MTFR1: variants seen among roughly 807,000 people sequenced by gnomAD.
MTFR1 encodes chondrocyte protein with a poly-proline region.
Under a neutral mutation model 38.8 loss-of-function variants are expected in MTFR1, and 28 were observed. The observed-to-expected ratio is 0.72, with a 90% CI of 0.53 to 0.99. MTFR1 has a LOEUF of 0.99. Ranked by LOEUF, MTFR1 falls within the 50% of genes least tolerant of loss-of-function variation. The probability of loss-of-function intolerance (pLI) is 0.00; values close to 1 mark genes in which losing one functional copy is unlikely to be tolerated. For missense variants in MTFR1, 358 were observed against 395.5 expected, an observed-to-expected ratio of 0.91 and a Z score of 0.81; for synonymous variants, 145 against 137.0, an observed-to-expected ratio of 1.06 and a Z score of -0.41.
At chr8:65,680,927 A>T (rs540482580) in intron 2 of MTFR1, among the ~76,000 whole-genome samples, 12 of 102,204 alleles carry the variant, frequency 1.2e-4, no homozygotes, top group African/African-American at 4.0e-4. Flanking sequence ...TTTTTTTGAG[A>T]CGGAGTCTCG....
chr8:65,687,284 G>T (rs1805115530), intron 3 of MTFR1, among the ~76,000 whole-genome samples: 1 of 151,838 alleles, frequency 6.6e-6, no homozygotes, highest in Admixed American at 6.6e-5. Context: ...ATCCAATTCA[G>T]TTGAACCACT....
intron 1 of MTFR1, among the ~76,000 whole-genome samples, chr8:65,653,181 G>T (rs1185082710): frequency 6.6e-6 from 1 of 152,088 alleles, no homozygotes; most frequent in Non-Finnish European, 1.5e-5. Flanking sequence ...TTATTGCTTG[G>T]CATGAGGCTA....
intron 1 of MTFR1, among the ~76,000 whole-genome samples, chr8:65,648,612 A>T (rs1333861244): frequency 2.6e-5 from 4 of 152,218 alleles, no homozygotes; most frequent in African/African-American, 9.6e-5. Context: ...ATATCATTAA[A>T]AAATTTTTTT....
chr8:65,724,438 C>T, intron 3 of MTFR1: 2 of 772,914 alleles, frequency 2.6e-6, no homozygotes, highest in Non-Finnish European at 4.2e-6. Flanking sequence ...CTGGATTAAC[C>T]ATAAATATAA....
At chr8:65,768,542 T>C (rs1234950953) in intron 3 of MTFR1, among the ~76,000 whole-genome samples, 2 of 152,232 alleles carry the variant, frequency 1.3e-5, no homozygotes, top group African/African-American at 4.8e-5. Flanking sequence ...CAGGTGGAGC[T>C]ATAAGTCTAA....
At position 65,741,450 on chromosome 8, in the gene MTFR1, A is replaced by G. The variant is rs117842537; in HGVS notation, c.*48+21969A>G. On this transcript the variant is annotated intron_variant, in intron 3 of 3. Transcript: ENST00000521247. ...CTGCCTAACCAACTGCCAACAAAAG[A>G]CCACAGCTGATGAAAAAGTACATTA... Among the ~76,000 whole-genome samples the G allele has an allele frequency of 9.3e-3, 1,424 of 152,336 alleles. 13 individuals are homozygous for G. Among genetic ancestry groups the G allele is most frequent in the Non-Finnish European group, 0.016 (1,080 of 68,034 alleles).
upstream of MTFR1, among the ~76,000 whole-genome samples, chr8:65,643,972 G>A (rs118185709): frequency 4.4e-3 from 666 of 152,186 alleles, 1 homozygote; most frequent in Non-Finnish European, 7.1e-3. Context: ...AATTGCAATG[G>A]GAGGGTAAGA....
downstream of MTFR1, among the ~76,000 whole-genome samples, chr8:65,774,012 C>T (rs534968495): frequency 6.6e-6 from 1 of 152,128 alleles, no homozygotes; most frequent in Non-Finnish European, 1.5e-5. Flanking sequence ...TATTGCAATA[C>T]CAAAACATAC....
intron 4 of MTFR1, among the ~76,000 whole-genome samples, chr8:65,694,518 T>C (rs1372842895): frequency 6.6e-6 from 1 of 152,236 alleles, no homozygotes; most frequent in Non-Finnish European, 1.5e-5. Flanking sequence ...TTCTTTGTCC[T>C]TCAGCAGTTT....
At chr8:65,671,090 G>C (rs61079148) in intron 2 of MTFR1, among the ~76,000 whole-genome samples, 1 of 152,102 alleles carries the variant, frequency 6.6e-6, no homozygotes, top group East Asian at 1.9e-4. Flanking sequence ...TGTTTTCTTC[G>C]GAGATTAAAA....
chr8:65,755,061 C>A (rs542941536), intron 3 of MTFR1, among the ~76,000 whole-genome samples: 48 of 146,754 alleles, frequency 3.3e-4, no homozygotes, highest in Middle Eastern at 7.1e-3. Context: ...CACTCTGTTG[C>A]CCAGGCTGGA....
At chr8:65,718,041 CA>C (rs1402658003) in intron 2 of MTFR1, 1 of 152,174 alleles carries the variant, frequency 6.6e-6, no homozygotes, top group Non-Finnish European at 1.5e-5. Flanking sequence ...AACGTTTCAT[CA>C]AAGGGAGGGA....
intron 1 of MTFR1, among the ~76,000 whole-genome samples, chr8:65,657,518 T>C (rs975890542): frequency 1.3e-5 from 2 of 151,672 alleles, no homozygotes; most frequent in East Asian, 3.9e-4. Context: ...GCCTGGGCAA[T>C]GTAGTGAGAC....
Position 65,707,137 on chromosome 8 carries a change from A to G in MTFR1, c.645A>G (p.Arg215=), listed in dbSNP as rs779956470. Residue 215 remains arginine, a synonymous_variant, in exon 6 of 8, where the codon AGA becomes AGG. Coordinates refer to ENST00000262146, the MANE Select transcript of MTFR1 (RefSeq NM_014637.4). ...TSAVDLIKER[R]EKRANAGKTL... ...CTGTTGATCTGATTAAAGAACGAAG[A>G]GAGAAAAGAGCCAATGCTGGAAAGA... 16 of 1,613,824 alleles carry G rather than the reference A, an allele frequency of 9.9e-6. No homozygotes were observed. Among genetic ancestry groups the G allele is most frequent in the Non-Finnish European group, 1.3e-5 (15 of 1,179,902 alleles).
chr8:65,765,898 T>C (rs989179071), intron 3 of MTFR1, among the ~76,000 whole-genome samples: 1 of 152,234 alleles, frequency 6.6e-6, no homozygotes, highest in Non-Finnish European at 1.5e-5. Flanking sequence ...AACTAAAGAA[T>C]GATTTATTAA....
At chr8:65,668,503 CT>C (rs907385912) in intron 1 of MTFR1, among the ~76,000 whole-genome samples, 1 of 141,654 alleles carries the variant, frequency 7.1e-6, no homozygotes, top group Non-Finnish European at 1.6e-5. Context: ...GGAAGATTTT[CT>C]TTTTTTTGTT....
At chr8:65,718,210 AAT>A (rs1806219089) in intron 2 of MTFR1, 1 of 152,150 alleles carries the variant, frequency 6.6e-6, no homozygotes, top group African/African-American at 2.4e-5. Context: ...TAAAATAATA[AAT>A]AAAAGCTTAC....
chr8:65,761,098 G>A (rs920471483), intron 3 of MTFR1, among the ~76,000 whole-genome samples: 1 of 150,914 alleles, frequency 6.6e-6, no homozygotes, highest in Non-Finnish European at 1.5e-5. Context: ...CTCGCCCTGT[G>A]GCGTAGGCTA....
intron 1 of MTFR1, among the ~76,000 whole-genome samples, chr8:65,653,168 G>A (rs10102473): frequency 0.87 from 133,159 of 152,248 alleles, 58,685 homozygotes; most frequent in African/African-American, 0.97. Context: ...GATTGCATCA[G>A]TATTATTGCT....
Sources: gnomAD v4.1 joint callset for allele counts (sites outside exome capture counted in the v4.1 genomes callset) on GRCh38, gnomAD v4.1.1 for gene constraint, MANE v1.5 for transcripts, NCBI Gene and HGNC (gene_info 2026-07-23, HGNC 2026-07-21) for gene names.